NPTX1: variants seen among roughly 807,000 people sequenced by gnomAD.
NPTX1 encodes the protein neuronal pentraxin 1.
In NPTX1, 12 loss-of-function variants were observed where a neutral mutation model predicts 38.7. The ratio of observed to expected loss-of-function variants is 0.31; its 90% CI spans 0.20 to 0.50. The LOEUF (loss-of-function observed/expected upper bound fraction) is 0.50. NPTX1 is among the 20% of genes least tolerant of loss of function. The pLI is 0.98. For synonymous variants in NPTX1, 272 were observed against 264.9 expected (o/e 1.03, Z -0.26); for missense variants, 454 against 592.2 (o/e 0.77, Z 2.42).
rs1004128987 is a variant in NPTX1, at chr17:80,469,225, C to G, written c.*1588G>C. The G allele has an allele frequency of 6.6e-6, 1 of 152,602 alleles. No individual in the cohort carries two copies. The highest frequency in any genetic ancestry group is 6.5e-5 in the Admixed American group (1 of 15,310). The allele number at this position is 152,602 out of a possible 1,614,324, so 9.5% of individuals were successfully genotyped here. A position where few individuals can be genotyped will look rare whatever the true frequency, so the allele number is the denominator to read the frequency against. On this transcript the variant is annotated 3_prime_UTR_variant, in exon 5 of 5. Coordinates refer to ENST00000306773, the MANE Select transcript of NPTX1 (RefSeq NM_002522.4). Reference sequence around the variant, plus strand: ...TGAGCCAGGCAGTGCAGTAGAATTTCTAGAAAGACTTGTCAGCGGTTTGCT... The same window carrying G: ...TGAGCCAGGCAGTGCAGTAGAATTTGTAGAAAGACTTGTCAGCGGTTTGCT...
Position 80,475,653 on chromosome 17 carries a change from G to A in NPTX1, c.510C>T (p.Ile170=). The A allele has an allele frequency of 1.2e-6, 2 of 1,613,162 alleles. No homozygotes were observed. Among genetic ancestry groups the A allele is most frequent in the Non-Finnish European group, 8.5e-7 (1 of 1,179,794 alleles). Residue 170 remains isoleucine, a synonymous_variant, in exon 2 of 5, where the codon ATC becomes ATT. Transcript: ENST00000306773. This position sits in a 1 kb window ranked among gnomAD's most constrained non-coding sequence, Gnocchi z 6.5. Reference sequence around the variant, plus strand: ...ACAGCACCTGCCTCTCCAGCTCATCGATCTTGCTCTGCAGCAGATCCTTGA... The same window carrying A: ...ACAGCACCTGCCTCTCCAGCTCATCAATCTTGCTCTGCAGCAGATCCTTGA... ...NSLKDLLQSK[I]DELERQVLSR...
At position 80,476,148 on chromosome 17, in the gene NPTX1, C is replaced by T. The variant is rs144443274; in HGVS notation, c.299G>A (p.Gly100Asp). 255,792 of 1,594,546 alleles carry T rather than the reference C, an allele frequency of 0.16. 22,325 individuals carry two copies. The highest frequency in any genetic ancestry group is 0.22 in the Middle Eastern group (1,301 of 6,014). ...ESQSTLDPGA[G>D]EARAGGGRKQ... ...GCGGCCGCCGCCCGCCCGGGCCTCG[C>T]CGGCTCCGGGGTCCAGCGTGCTCTG... The change falls in exon 1 of 5, where the codon GGC (glycine) becomes GAC (aspartate). Residue 100 changes from glycine (G) to aspartate (D), a missense_variant. Physicochemically the swap from Gly to Asp is moderately conservative, Grantham distance 94. Transcript: ENST00000306773. The surrounding 1 kb of genome is among the most constrained non-coding windows in gnomAD (Gnocchi z 6.3).
chr17:80,476,379 T>C lies in NPTX1; in HGVS notation c.68A>G (p.Gln23Arg), dbSNP rs752439399. The C allele has an allele frequency of 6.6e-7, 1 of 1,517,982 alleles. No individual in the cohort carries two copies. The highest frequency in any genetic ancestry group is 1.2e-5 in the South Asian group (1 of 81,992). The allele number at this position is 1,517,982 out of a possible 1,614,324, so 94.0% of individuals were successfully genotyped here. Residue 23 changes from glutamine to arginine, a missense_variant, in exon 1 of 5, where the codon CAG (glutamine) becomes CGG (arginine). By Grantham distance (43) the Gln-to-Arg change is conservative. Around this residue, in one of 4 missense-constraint regions of NPTX1, gnomAD observed 288 missense variants for 318.4 expected, o/e 0.90. Transcript: ENST00000306773. The surrounding 1 kb of genome is among the most constrained non-coding windows in gnomAD (Gnocchi z 6.3). ...LALCLLGAGAQDFGPTRFICT... is the reference protein window; with the variant it reads ...LALCLLGAGARDFGPTRFICT... ...GATGAAGCGCGTCGGCCCGAAATCC[T>C]GGGCCCCGGCGCCCAGGAGGCAGAG...
At position 80,475,871 on chromosome 17, in the gene NPTX1, G is replaced by C. The variant is rs2083877813; in HGVS notation, c.444+132C>G. ...CCGCCGCGGGGCCTCGCAGGCGCGG[G>C]GAGGCACCGGCCGGGCACCCGCGCG... On this transcript the variant is annotated intron_variant, in intron 1 of 4. Coordinates refer to ENST00000306773, the MANE Select transcript of NPTX1 (RefSeq NM_002522.4). The surrounding 1 kb of genome is among the most constrained non-coding windows in gnomAD (Gnocchi z 6.5). 1.2e-6 allele frequency: 1 copy of C among 858,650 alleles called. No individual in the cohort carries two copies. The highest frequency in any genetic ancestry group is 1.8e-5 in the African/African-American group (1 of 55,112). The allele number at this position is 858,650 out of a possible 1,614,324, so 53.2% of individuals were successfully genotyped here.
At chr17:80,473,132 C>A (rs11657630) in intron 3 of NPTX1, 68 bp downstream of exon 3, 717,704 of 1,563,468 alleles carry the variant, frequency 0.46, 168,055 homozygotes, top group Admixed American at 0.62. Flanking sequence ...GCCCTGTCTC[C>A]GCATGCAACA....
At chr17:80,473,891 C>CTACACTA in intron 2 of NPTX1, 2 of 189,632 alleles carry the variant, frequency 1.1e-5, no homozygotes, top group Admixed American at 5.5e-5. Flanking sequence ...GGGCTCAGAG[C>CTACACTA]CTCTCCTCGC....
intron 4 of NPTX1, 151 bp from the exon 5 acceptor site, chr17:80,471,185 TCTCCAGCCCTACATCCATCC>T (rs900024067): frequency 4.2e-5 from 26 of 625,424 alleles, no homozygotes; most frequent in African/African-American, 3.1e-4. Flanking sequence ...TGTCCCTGAC[TCTCCAGCCCTACATCCATCC>T]CTCCTCTGGG....
intron 2 of NPTX1, among the ~76,000 whole-genome samples, chr17:80,474,996 T>C (rs968077289): frequency 2.0e-5 from 3 of 151,648 alleles, no homozygotes; most frequent in African/African-American, 7.3e-5. Flanking sequence ...AGGACAGAAG[T>C]GGGGAGGAGC....
intron 4 of NPTX1, 90 bp downstream of exon 4, chr17:80,471,642 G>A (rs562966979): frequency 1.5e-5 from 22 of 1,509,656 alleles, no homozygotes; most frequent in African/African-American, 9.6e-5. Context: ...CCACTTCTCC[G>A]GCTACCTCCC....
At position 80,470,632 on chromosome 17, in the gene NPTX1, A is replaced by AGATGGGAG; in HGVS notation, c.*173_*180dup. 1.8e-6 allele frequency: 1 copy of AGATGGGAG among 551,658 alleles called. No individual in the cohort carries two copies. Among genetic ancestry groups the AGATGGGAG allele is most frequent in the South Asian group, 2.2e-5 (1 of 44,560 alleles). The allele number at this position is 551,658 out of a possible 1,614,324, so 34.2% of individuals were successfully genotyped here. ...AGAGAAGTGGGGCTTCCTCAGGGAC[A>AGATGGGAG]GATGGGAGCAGGGGCTGCTTCGTGT... On this transcript the variant is annotated 3_prime_UTR_variant, in exon 5 of 5. Coordinates refer to ENST00000306773, the MANE Select transcript of NPTX1 (RefSeq NM_002522.4).
Position 80,475,928 on chromosome 17 carries a change from G to C in NPTX1, c.444+75C>G. ...GCGAGGGCGGGGGATGCCTGGCCGGGTAGGGAACGGGGTGGGGGAGGGCAG... is the reference window on the plus strand; with the variant it reads ...GCGAGGGCGGGGGATGCCTGGCCGGCTAGGGAACGGGGTGGGGGAGGGCAG... On this transcript the variant is annotated intron_variant, in intron 1 of 4. Transcript: ENST00000306773. The surrounding 1 kb of genome is among the most constrained non-coding windows in gnomAD (Gnocchi z 6.5). 7.9e-7 allele frequency: 1 copy of C among 1,263,272 alleles called. No homozygotes were observed. Among genetic ancestry groups the C allele is most frequent in the South Asian group, 1.3e-5 (1 of 76,498 alleles). 78.3% of individuals were successfully genotyped at this position (1,263,272 alleles called of 1,614,324 possible).
chr17:80,472,878 G>A (rs2083849876), intron 3 of NPTX1, among the ~76,000 whole-genome samples: 1 of 152,198 alleles, frequency 6.6e-6, no homozygotes, highest in African/African-American at 2.4e-5. Context: ...GGCAAAGCCA[G>A]TTCCAAGGCC....
At position 80,476,321 on chromosome 17, in the gene NPTX1, G is replaced by A; in HGVS notation, c.126C>T (p.Cys42=). The A allele has an allele frequency of 6.5e-7, 1 of 1,546,176 alleles. No homozygotes were observed. ...CTSVPVDADM[C]AASVAAGGAE... The stretch of plus-strand genomic sequence containing the variant: ...CGCCGCCGGCGGCCACGGACGCGGC[G>A]CACATGTCGGCGTCCACGGGCACCG... The change falls in exon 1 of 5, where the codon TGC becomes TGT. Residue 42 remains cysteine (C), a synonymous_variant. Transcript: ENST00000306773. This position sits in a 1 kb window ranked among gnomAD's most constrained non-coding sequence, Gnocchi z 6.3.
At position 80,476,526 on chromosome 17, in the gene NPTX1, G is replaced by A; in HGVS notation, c.-80C>T. 2.5e-6 allele frequency: 2 copies of A among 813,252 alleles called. No homozygotes were observed. The highest frequency in any genetic ancestry group is 3.0e-6 in the Non-Finnish European group (2 of 664,162). 50.4% of individuals were successfully genotyped at this position (813,252 alleles called of 1,614,324 possible). A position where few individuals can be genotyped will look rare whatever the true frequency, so the allele number is the denominator to read the frequency against. The stretch of plus-strand genomic sequence containing the variant: ...CGGCTGGGACCCGGCTCGGGCTGTG[G>A]CTCCGCGAGCGGCCCGCGCTCTGGG... On this transcript the variant is annotated 5_prime_UTR_variant, in exon 1 of 5. Transcript: ENST00000306773. This position sits in a 1 kb window ranked among gnomAD's most constrained non-coding sequence, Gnocchi z 6.3.
intron 2 of NPTX1, chr17:80,474,804 C>G (rs977301636): frequency 7.1e-6 from 1 of 140,180 alleles, no homozygotes; most frequent in Non-Finnish European, 1.6e-5. Context: ...CCGGGCACCC[C>G]CCCCCCTCCC....
chr17:80,471,032 G>A lies in NPTX1; in HGVS notation c.1080C>T (p.Asp360=), dbSNP rs1344651300. ...TGGCATCAAACCCACCACCCAGAGT[G>A]TCCTTCAGAGAAAAACAGAGGATGA... is the stretch of plus-strand genomic sequence containing the variant. The part of the protein sequence containing the change: ...QGVLVLGQEQ[D]TLGGGFDATQ... The change falls in exon 5 of 5, where the codon GAC becomes GAT. Residue 360 remains aspartate, a splice_region_variant and synonymous_variant. Transcript: ENST00000306773. The A allele has an allele frequency of 6.3e-7, 1 of 1,596,724 alleles. No homozygotes were observed. The highest frequency in any genetic ancestry group is 8.6e-7 in the Non-Finnish European group (1 of 1,168,272).
rs1429249680 is a variant in NPTX1 at position 80,467,234 on chromosome 17, G to A, written c.*3579C>T. The A allele has an allele frequency of 7.5e-6, 1 of 133,860 alleles. No homozygotes were observed. The highest frequency in any genetic ancestry group is 1.5e-5 in the Non-Finnish European group (1 of 64,954). 8.3% of individuals were successfully genotyped at this position (133,860 alleles called of 1,614,324 possible). On this transcript the variant is annotated 3_prime_UTR_variant, in exon 5 of 5. Transcript: ENST00000306773. ...TTCCCTTTCAACAAATTGCACTTCA[G>A]TCCACTGTGTACAGAAGTAATACAT...
Position 80,476,295 on chromosome 17 carries a change from G to C in NPTX1, c.152C>G (p.Ala51Gly). The stretch of plus-strand genomic sequence containing the variant: ...CAGCACGCTGCTCCGGAGCTCCTCG[G>C]CGCCGCCGGCGGCCACGGACGCGGC... ...MCAASVAAGG[A>G]EELRSSVLQL... Residue 51 changes from alanine to glycine, a missense_variant, in exon 1 of 5, where the codon GCC becomes GGC. By Grantham distance (60) the Ala-to-Gly change is moderately conservative (BLOSUM62 0). Coordinates refer to ENST00000306773, the MANE Select transcript of NPTX1 (RefSeq NM_002522.4). The surrounding 1 kb of genome is among the most constrained non-coding windows in gnomAD (Gnocchi z 6.3). The C allele has an allele frequency of 1.3e-6, 2 of 1,558,960 alleles. No individual in the cohort carries two copies. Among genetic ancestry groups the C allele is most frequent in the East Asian group, 4.8e-5 (2 of 42,038 alleles).
At chr17:80,472,282 C>T (rs1223350411) in intron 3 of NPTX1, among the ~76,000 whole-genome samples, 1 of 152,222 alleles carries the variant, frequency 6.6e-6, no homozygotes, top group African/African-American at 2.4e-5. Context: ...CTCCGTGCGA[C>T]ATCTGTGCAG....
Sources: allele counts gnomAD v4.1 joint callset (sites outside exome capture counted in the v4.1 genomes callset), GRCh38; gene constraint gnomAD v4.1.1; regional missense constraint gnomAD v4.1.1; non-coding constraint Gnocchi (gnomAD v3.1); transcripts MANE v1.5; gene names NCBI Gene and HGNC (gene_info 2026-07-23, HGNC 2026-07-21).